The following EP400 variants were observed in gnomAD, a reference collection of about 807,000 sequenced individuals.
EP400 encodes the protein E1A-binding protein p400.
In EP400, 105 loss-of-function variants were observed where a neutral mutation model predicts 354.1. The ratio of observed to expected loss-of-function variants is 0.30; its 90% CI spans 0.25 to 0.35. The LOEUF (loss-of-function observed/expected upper bound fraction) is 0.35. Ranked by LOEUF, EP400 falls within the 10% of genes least tolerant of loss-of-function variation. The pLI is 1.00. For synonymous variants in EP400, 1,646 were observed against 1,716.9 expected (o/e 0.96, Z 1.02); for missense variants, 3,280 against 4,121.0 (o/e 0.80, Z 5.59).
At chr12:131,965,184 A>G (rs1413875685) in intron 2 of EP400, among the ~76,000 whole-genome samples, 1 of 152,242 alleles carries the variant, frequency 6.6e-6, no homozygotes, top group East Asian at 1.9e-4. Context: ...TCCTATAACT[A>G]GTAATGTTAA....
chr12:132,021,720 C>T (rs2136543399), intron 23 of EP400, among the ~76,000 whole-genome samples: 1 of 152,348 alleles, frequency 6.6e-6, no homozygotes, highest in East Asian at 1.9e-4. Flanking sequence ...GCTTCCTTGC[C>T]AGTCATGTGA....
intron 51 of EP400, among the ~76,000 whole-genome samples, chr12:132,073,919 G>GTTTTTTTTTT (rs34186152): frequency 3.7e-5 from 3 of 82,134 alleles, no homozygotes; most frequent in Non-Finnish European, 6.7e-5. Context: ...GTTTTTTGGG[G>GTTTTTTTTTT]TTTTTTTTTT....
intron 11 of EP400, among the ~76,000 whole-genome samples, 162 bp downstream of exon 11, chr12:131,992,392 A>G (rs1318341001): frequency 1.3e-5 from 2 of 152,124 alleles, no homozygotes; most frequent in Non-Finnish European, 2.9e-5. Flanking sequence ...TACTTTTTGT[A>G]TCTCTAGAGG....
Position 132,027,987 on chromosome 12 carries a change from G to A in EP400, c.5110-30G>A, listed in dbSNP as rs761684865. 5.0e-6 allele frequency: 8 copies of A among 1,602,878 alleles called. No individual in the cohort carries two copies. The highest frequency in any genetic ancestry group is 6.8e-6 in the Non-Finnish European group (8 of 1,171,622). Reference sequence around the variant, plus strand: ...AGGAACTTGTCATTCTGTTTCTCAAGTAACTGTTTTTCATCACTTTTTGAT... The same window carrying A: ...AGGAACTTGTCATTCTGTTTCTCAAATAACTGTTTTTCATCACTTTTTGAT... On this transcript the variant is annotated intron_variant, in intron 26 of 52. Coordinates refer to ENST00000389561, the MANE Select transcript of EP400 (RefSeq NM_015409.5). This position sits in a 1 kb window ranked among gnomAD's most constrained non-coding sequence, Gnocchi z 4.9.
In EP400 at chr12:132,069,049, A is replaced by G. The variant is rs546319475; in HGVS notation, c.8875-446A>G. The G allele has an allele frequency of 1.5e-4, 25 of 162,784 alleles. No individual in the cohort carries two copies. In the South Asian group the frequency reaches 3.0e-3, roughly 20 times the overall value. 10.1% of individuals were successfully genotyped at this position (162,784 alleles called of 1,614,324 possible). Reference sequence around the variant, plus strand: ...TACGTAAACGTCAGATGTACACAATATGATCTGCAAAAATGGTGCATACCA... The same window carrying G: ...TACGTAAACGTCAGATGTACACAATGTGATCTGCAAAAATGGTGCATACCA... On this transcript the variant is annotated intron_variant, in intron 50 of 52. Transcript: ENST00000389561.
At chr12:132,058,353 A>ATTTTTTTTTTTTTTTTTTTTT (rs60226464) in intron 45 of EP400, among the ~76,000 whole-genome samples, 4 of 129,562 alleles carry the variant, frequency 3.1e-5, no homozygotes, top group African/African-American at 1.2e-4. Context: ...TAAAGATTGG[A>ATTTTTTTTTTTTTTTTTTTTT]TTTTTTTTTT....
chr12:132,035,065 C>T (rs1265447729), intron 30 of EP400, among the ~76,000 whole-genome samples: 1 of 152,142 alleles, frequency 6.6e-6, no homozygotes, highest in East Asian at 1.9e-4. Flanking sequence ...ATAAAGACCC[C>T]CCCTTACTCT....
chr12:132,030,978 TCA>T (rs1453925764), intron 29 of EP400, among the ~76,000 whole-genome samples: 6 of 152,288 alleles, frequency 3.9e-5, no homozygotes, highest in Admixed American at 1.3e-4. Context: ...CTGCTTTATC[TCA>T]CACACACGCT....
chr12:132,060,394 G>A (rs1426590838), intron 45 of EP400, among the ~76,000 whole-genome samples: 2 of 152,186 alleles, frequency 1.3e-5, no homozygotes, highest in East Asian at 1.9e-4. Context: ...ATGCGTATAT[G>A]TAGAAAGTCT....
In EP400 at chr12:132,069,542, C is replaced by G. The variant is rs1445913882; in HGVS notation, c.8922C>G (p.Ala2974=). 2 of 1,614,234 alleles carry G rather than the reference C, an allele frequency of 1.2e-6. No individual in the cohort carries two copies. Among genetic ancestry groups the G allele is most frequent in the Non-Finnish European group, 1.7e-6 (2 of 1,180,034 alleles). Reference sequence around the variant, plus strand: ...CCCCTGGCGCGCAGCAGAAGGTTGCCTACGCCGCGCAGCCGGCCCTTAAGA... The same window carrying G: ...CCCCTGGCGCGCAGCAGAAGGTTGCGTACGCCGCGCAGCCGGCCCTTAAGA... ...ITTPGAQQKV[A]YAAQPALKTQ... is the part of the protein sequence containing the mutation. Residue 2974 remains alanine, a synonymous_variant, in exon 51 of 53, where the codon GCC becomes GCG. Coordinates refer to ENST00000389561, the MANE Select transcript of EP400 (RefSeq NM_015409.5).
intron 3 of EP400, among the ~76,000 whole-genome samples, chr12:131,980,678 TGGGACTACAGG>T (rs1892650897): frequency 6.6e-6 from 1 of 152,182 alleles, no homozygotes; most frequent in African/African-American, 2.4e-5. Context: ...CCTGAGTAGC[TGGGACTACAGG>T]CGCGTGCCAC....
At chr12:132,033,772 T>C (rs958659882) in intron 30 of EP400, among the ~76,000 whole-genome samples, 1 of 152,070 alleles carries the variant, frequency 6.6e-6, no homozygotes, top group South Asian at 2.1e-4. Context: ...GCTCAAACAG[T>C]CAGCCCGCCT....
In EP400 at chr12:132,013,071, C is replaced by T. The variant is rs779519798; in HGVS notation, c.3504C>T (p.Gly1168=). The change falls in exon 17 of 53, where the codon GGC becomes GGT. Residue 1168 remains glycine, a synonymous_variant. Coordinates refer to ENST00000389561, the MANE Select transcript of EP400 (RefSeq NM_015409.5). This position sits in a 1 kb window ranked among gnomAD's most constrained non-coding sequence, Gnocchi z 4.5. The stretch of plus-strand genomic sequence containing the variant: ...CGTCCTACACTCAGTTCTTCCGGGG[C>T]CTCACCGCCTTCACACGAGTGCGCT... ...CITSYTQFFR[G]LTAFTRVRWK... 2 of 1,614,076 alleles carry T rather than the reference C, an allele frequency of 1.2e-6. No individual in the cohort carries two copies. The highest frequency in any genetic ancestry group is 1.7e-6 in the Non-Finnish European group (2 of 1,180,028).
intron 12 of EP400, among the ~76,000 whole-genome samples, chr12:131,995,205 C>T (rs553986773): frequency 6.6e-6 from 1 of 152,336 alleles, no homozygotes; most frequent in African/African-American, 2.4e-5. Flanking sequence ...ATGTACCGTT[C>T]ATCTTGAGTG....
At chr12:132,048,578 A>G (rs1895190251) in intron 39 of EP400, among the ~76,000 whole-genome samples, 1 of 147,412 alleles carries the variant, frequency 6.8e-6, no homozygotes. Flanking sequence ...GCTGGAGTGC[A>G]GTGGCACGAT....
chr12:132,066,642 C>T (rs1895902526), intron 48 of EP400, 132 bp from the exon 49 acceptor site: 7 of 949,172 alleles, frequency 7.4e-6, no homozygotes, highest in Middle Eastern at 2.5e-4. Flanking sequence ...GTTTTCCTTT[C>T]CTGTTGGGCC....
chr12:132,043,755 A>G, intron 34 of EP400, 27 bp downstream of exon 34: 1 of 1,571,268 alleles, frequency 6.4e-7, no homozygotes, highest in South Asian at 1.2e-5. Flanking sequence ...TTGGTCAGTG[A>G]AAAAAATTTG....
Position 132,021,432 on chromosome 12 carries a change from C to A in EP400, c.4690+111C>A, listed in dbSNP as rs1593352474. The A allele has an allele frequency of 5.1e-6, 7 of 1,381,476 alleles. No homozygotes were observed. In the African/African-American group the frequency reaches 6.0e-5, roughly 12 times the overall value. 85.6% of individuals were successfully genotyped at this position (1,381,476 alleles called of 1,614,324 possible). ...TGCTGTCCACTCCTTTGTCTTTCCC[C>A]AGCCCCATGCCCGGTGCTGCCTCTC... On this transcript the variant is annotated intron_variant, in intron 23 of 52. Coordinates refer to ENST00000389561, the MANE Select transcript of EP400 (RefSeq NM_015409.5).
Position 132,018,325 on chromosome 12 carries a change from C to T in EP400, c.4226C>T (p.Thr1409Ile). 1 of 1,613,292 alleles carries T rather than the reference C, an allele frequency of 6.2e-7. No homozygotes were observed. The highest frequency in any genetic ancestry group is 8.5e-7 in the Non-Finnish European group (1 of 1,179,824). The change falls in exon 21 of 53, where the codon ACT (threonine) becomes ATT (isoleucine). Residue 1409 changes from threonine (T) to isoleucine (I), a missense_variant. Physicochemically the swap from Thr to Ile is moderately conservative, Grantham distance 89 (BLOSUM62 -1). Transcript: ENST00000389561. The surrounding 1 kb of genome is among the most constrained non-coding windows in gnomAD (Gnocchi z 4.0). Reference protein sequence around the residue: ...IPRKLMEEISTSAAPAARPAA... With the variant: ...IPRKLMEEISISAAPAARPAA... The stretch of plus-strand genomic sequence containing the variant: ...CGGAAACTCATGGAGGAAATCTCCA[C>T]TTCAGCAGCCCCAGCAGCCCGACCA...
Sources: gnomAD v4.1 joint callset for allele counts (sites outside exome capture counted in the v4.1 genomes callset) on GRCh38, gnomAD v4.1.1 for gene constraint, Gnocchi (gnomAD v3.1) non-coding constraint, MANE v1.5 for transcripts, NCBI Gene and HGNC (gene_info 2026-07-23, HGNC 2026-07-21) for gene names.